CHST3: variants seen among roughly 807,000 people sequenced by gnomAD.
CHST3 encodes the protein C6ST-1.
A neutral mutation model predicts 35.4 loss-of-function variants in CHST3; 20 were observed. The ratio of observed to expected loss-of-function variants is 0.57; its 90% CI spans 0.40 to 0.82. The LOEUF (loss-of-function observed/expected upper bound fraction) is 0.82, where lower values mean the gene tolerates loss of function less well. CHST3 is among the 40% of genes least tolerant of loss of function. The pLI, the probability that CHST3 is intolerant of heterozygous loss-of-function variation, is 0.00. For missense variants in CHST3, 693 were observed against 670.1 expected, an observed-to-expected ratio of 1.03 and a Z score of -0.38; for synonymous variants, 334 against 295.9, an observed-to-expected ratio of 1.13 and a Z score of -1.32.
At position 71,992,710 on chromosome 10, in the gene CHST3, G is replaced by C. The variant is rs568802781; in HGVS notation, c.-107-13026G>C. 2.1e-3 allele frequency among the ~76,000 whole-genome samples: 313 copies of C among 148,580 alleles called. 7 individuals are homozygous for C. Among genetic ancestry groups the C allele is most frequent in the Middle Eastern group, 3.6e-3 (1 of 278 alleles). ...AGTTTCACTTTTGTTGCCCAGGCTG[G>C]AGTGCAGTGGCACGATCTCGGCTCA... On this transcript the variant is annotated intron_variant, in intron 1 of 2. Transcript: ENST00000373115.
At chr10:71,967,637 G>A (rs911752005) in intron 1 of CHST3, among the ~76,000 whole-genome samples, 4 of 152,116 alleles carry the variant, frequency 2.6e-5, no homozygotes, top group East Asian at 1.9e-4. Context: ...ATAAACATAC[G>A]TGTGCATGTA....
At chr10:71,991,634 A>AAAATTTAC (rs1224080394) in intron 1 of CHST3, among the ~76,000 whole-genome samples, 1 of 152,208 alleles carries the variant, frequency 6.6e-6, no homozygotes, top group Non-Finnish European at 1.5e-5. Context: ...CAGTGCATAT[A>AAAATTTAC]AAATTTACAT....
At chr10:71,994,270 A>G (rs1240274213) in intron 1 of CHST3, among the ~76,000 whole-genome samples, 1 of 150,880 alleles carries the variant, frequency 6.6e-6, no homozygotes, top group Non-Finnish European at 1.5e-5. Flanking sequence ...CCTGTCTCAA[A>G]AAAAAAAAAA....
intron 1 of CHST3, among the ~76,000 whole-genome samples, chr10:71,972,353 T>C (rs766722974): frequency 6.6e-6 from 1 of 152,042 alleles, no homozygotes; most frequent in Non-Finnish European, 1.5e-5. Context: ...GTGCATGTCA[T>C]TGCGTTCTGA....
intron 1 of CHST3, among the ~76,000 whole-genome samples, chr10:71,966,767 G>A (rs1839635671): frequency 6.6e-6 from 1 of 152,186 alleles, no homozygotes; most frequent in Non-Finnish European, 1.5e-5. Flanking sequence ...TATGAGGTTA[G>A]CATTTCATCT....
chr10:71,999,622 C>T (rs530003268), intron 1 of CHST3, among the ~76,000 whole-genome samples: 1 of 152,360 alleles, frequency 6.6e-6, no homozygotes, highest in East Asian at 1.9e-4. Flanking sequence ...CAATGTCTGG[C>T]AGGGCCGTCC....
chr10:71,998,252 T>G (rs956956685), intron 1 of CHST3, among the ~76,000 whole-genome samples: 4 of 152,274 alleles, frequency 2.6e-5, no homozygotes, highest in Admixed American at 2.6e-4. Context: ...ACTGTGCCAA[T>G]GCACCACAGT....
chr10:71,982,792 T>C lies in CHST3; in HGVS notation c.-108+18098T>C, dbSNP rs551511235. On this transcript the variant is annotated intron_variant, in intron 1 of 2. Coordinates refer to ENST00000373115, the MANE Select transcript of CHST3 (RefSeq NM_004273.5). The stretch of plus-strand genomic sequence containing the variant: ...TAAGTGTTATTTGAAGGTACTAAGT[T>C]TGTGGCAATGTGTTACAACAGCAGT... 4.6e-5 allele frequency among the ~76,000 whole-genome samples: 7 copies of C among 152,258 alleles called. No individual in the cohort carries two copies. The South Asian group carries it at 6.2e-4, about 14-fold the overall frequency.
rs113283291 is a variant in CHST3, at chr10:72,008,954, G to A, written c.*483G>A. ...GGCTAGGACAGCCGTGGGTGTCAAA[G>A]GTGGCATTTGAGGCTCGTTTGAGGT... On this transcript the variant is annotated 3_prime_UTR_variant, in exon 3 of 3. Coordinates refer to ENST00000373115, the MANE Select transcript of CHST3 (RefSeq NM_004273.5). 0.012 allele frequency: 1,804 copies of A among 156,568 alleles called. 41 individuals carry two copies. The highest frequency in any genetic ancestry group is 0.04 in the African/African-American group (1,676 of 41,576). 9.7% of individuals were successfully genotyped at this position (156,568 alleles called of 1,614,324 possible).
chr10:71,973,181 G>T (rs1353988415), intron 1 of CHST3, among the ~76,000 whole-genome samples: 1 of 152,172 alleles, frequency 6.6e-6, no homozygotes, highest in East Asian at 1.9e-4. Flanking sequence ...GTGGGCCAAG[G>T]AAGGGACAGA....
rs1414461728 is a variant in CHST3, at chr10:72,013,148, A to G, written c.*4677A>G. ...ATCTCAGCTGTATATTCTAGTCCAA[A>G]TTTTCCTGGCTCCCCTGCTCCCTCC... On this transcript the variant is annotated 3_prime_UTR_variant, in exon 3 of 3. Coordinates refer to ENST00000373115, the MANE Select transcript of CHST3 (RefSeq NM_004273.5). 6.6e-6 allele frequency: 1 copy of G among 152,020 alleles called. No individual in the cohort carries two copies. The highest frequency in any genetic ancestry group is 1.5e-5 in the Non-Finnish European group (1 of 68,126). The allele number at this position is 152,020 out of a possible 1,614,324, so 9.4% of individuals were successfully genotyped here. A position where few individuals can be genotyped will look rare whatever the true frequency, so the allele number is the denominator to read the frequency against.
chr10:71,973,643 C>G (rs1175528868), intron 1 of CHST3, among the ~76,000 whole-genome samples: 1 of 152,212 alleles, frequency 6.6e-6, no homozygotes, highest in Non-Finnish European at 1.5e-5. Context: ...CTCATGCTGA[C>G]ACTGCAAGAT....
At position 72,012,002 on chromosome 10, in the gene CHST3, A is replaced by G. The variant is rs1273899886; in HGVS notation, c.*3531A>G. Reference sequence around the variant, plus strand: ...CCGAGTTATTTTCCAAAAGCTGAGGAACATAAAGCAAATTTAGGCTTTTGT... The same window carrying G: ...CCGAGTTATTTTCCAAAAGCTGAGGGACATAAAGCAAATTTAGGCTTTTGT... On this transcript the variant is annotated 3_prime_UTR_variant, in exon 3 of 3. Coordinates refer to ENST00000373115, the MANE Select transcript of CHST3 (RefSeq NM_004273.5). The G allele has an allele frequency of 6.6e-6, 1 of 152,260 alleles. No homozygotes were observed. Among genetic ancestry groups the G allele is most frequent in the Non-Finnish European group, 1.5e-5 (1 of 68,052 alleles). 9.4% of individuals were successfully genotyped at this position (152,260 alleles called of 1,614,324 possible). A position where few individuals can be genotyped will look rare whatever the true frequency, so the allele number is the denominator to read the frequency against.
At chr10:71,978,347 T>C (rs943499649) in intron 1 of CHST3, among the ~76,000 whole-genome samples, 1 of 150,854 alleles carries the variant, frequency 6.6e-6, no homozygotes, top group Non-Finnish European at 1.5e-5. Context: ...GCCTAGGCGA[T>C]AGACCGAGCC....
At chr10:71,988,051 C>T (rs966822967) in intron 1 of CHST3, among the ~76,000 whole-genome samples, 11 of 152,196 alleles carry the variant, frequency 7.2e-5, no homozygotes, top group African/African-American at 2.4e-4. Context: ...AGCATGTGCA[C>T]GTATGATGCA....
rs1840101376 is a variant in CHST3 at position 72,010,726 on chromosome 10, T to G, written c.*2255T>G. ...AACACCAGCTCTGAAAACATGACCG[T>G]GGGGCCAGGATGTTTCTGGCAGGCC... On this transcript the variant is annotated 3_prime_UTR_variant, in exon 3 of 3. Coordinates refer to ENST00000373115, the MANE Select transcript of CHST3 (RefSeq NM_004273.5). 1 of 152,222 alleles carries G rather than the reference T, an allele frequency of 6.6e-6. No individual in the cohort carries two copies. Among genetic ancestry groups the G allele is most frequent in the Non-Finnish European group, 1.5e-5 (1 of 68,042 alleles). 9.4% of individuals were successfully genotyped at this position (152,222 alleles called of 1,614,324 possible). A position where few individuals can be genotyped will look rare whatever the true frequency, so the allele number is the denominator to read the frequency against.
At chr10:71,982,804 G>A (rs773625955) in intron 1 of CHST3, among the ~76,000 whole-genome samples, 2 of 152,218 alleles carry the variant, frequency 1.3e-5, no homozygotes, top group Non-Finnish European at 2.9e-5. Context: ...GTGGCAATGT[G>A]TTACAACAGC....
intron 1 of CHST3, among the ~76,000 whole-genome samples, chr10:71,999,234 C>T (rs1385755288): frequency 6.6e-6 from 1 of 152,144 alleles, no homozygotes; most frequent in Non-Finnish European, 1.5e-5. Flanking sequence ...AGCTCCATTT[C>T]CCTGCCCTAC....
At chr10:72,005,182 C>T (rs2131771652) in intron 1 of CHST3, among the ~76,000 whole-genome samples, 1 of 152,292 alleles carries the variant, frequency 6.6e-6, no homozygotes, top group Middle Eastern at 3.4e-3. Context: ...TGCTGTCAAA[C>T]ATTCTATAAT....
Sources: allele counts gnomAD v4.1 joint callset (sites outside exome capture counted in the v4.1 genomes callset), GRCh38; gene constraint gnomAD v4.1.1; transcripts MANE v1.5; gene names NCBI Gene and HGNC (gene_info 2026-07-23, HGNC 2026-07-21).